The following SHANK2 variants were observed in gnomAD, a reference collection of about 807,000 sequenced individuals.
SHANK2 encodes the protein SH3 and multiple ankyrin repeat domains 2, also known as SH3 and multiple ankyrin repeat domains protein 2.
A neutral mutation model predicts 133.7 loss-of-function variants in SHANK2; 43 were observed. The observed-to-expected ratio is 0.32, with a 90% confidence interval of 0.25 to 0.41. The LOEUF (loss-of-function observed/expected upper bound fraction) is 0.41, where lower values mean the gene tolerates loss of function less well. SHANK2 is among the 10% of genes least tolerant of loss of function. The probability of loss-of-function intolerance (pLI) is 1.00; values close to 1 mark genes in which losing one functional copy is unlikely to be tolerated. For synonymous variants in SHANK2, 1,017 were observed against 952.8 expected, an observed-to-expected ratio of 1.07 and a Z score of -1.24; for missense variants, 1,994 against 2,235.8, an observed-to-expected ratio of 0.89 and a Z score of 2.18.
At chr11:70,598,136 C>T (rs996543278) in intron 17 of SHANK2, among the ~76,000 whole-genome samples, 4 of 152,160 alleles carry the variant, frequency 2.6e-5, no homozygotes, top group Admixed American at 6.5e-5. Context: ...GGGAACGTGC[C>T]GTAGACAGGG....
intron 9 of SHANK2, among the ~76,000 whole-genome samples, chr11:71,057,711 C>T (rs1455481135): frequency 2.0e-5 from 3 of 150,698 alleles, no homozygotes; most frequent in Non-Finnish European, 2.9e-5. Flanking sequence ...CCACCATGCC[C>T]AGCTAATTTT....
chr11:70,501,881 C>G, intron 20 of SHANK2, 42 bp downstream of exon 20: 1 of 1,554,596 alleles, frequency 6.4e-7, no homozygotes, highest in Non-Finnish European at 8.7e-7. Context: ...GTGCCCTAGA[C>G]AGCAGGGGGA....
Position 70,596,861 on chromosome 11 carries a change from C to T in SHANK2, c.2061+62967G>A, listed in dbSNP as rs1484463276. ...GAGGAGAGAACAGAGGACAGTGCGT[C>T]GGGCTGTGGCACAACATGGGCACAG... On this transcript the variant is annotated intron_variant, in intron 17 of 25. Coordinates refer to ENST00000601538, the MANE Select transcript of SHANK2 (RefSeq NM_012309.5). Among the ~76,000 whole-genome samples, 4 of 152,284 alleles carry T rather than the reference C, an allele frequency of 2.6e-5. No individual in the cohort carries two copies. The East Asian group carries it at 5.8e-4, about 22-fold the overall frequency.
intron 2 of SHANK2, among the ~76,000 whole-genome samples, chr11:71,157,919 CCT>C (rs1211687661): frequency 2.0e-5 from 3 of 152,136 alleles, no homozygotes; most frequent in Non-Finnish European, 2.9e-5. Flanking sequence ...GGACACTGCC[CCT>C]GTGTGCAGCT....
At chr11:70,537,212 CGGA>C (rs1271351096) in intron 17 of SHANK2, among the ~76,000 whole-genome samples, 3 of 152,262 alleles carry the variant, frequency 2.0e-5, no homozygotes, top group African/African-American at 7.2e-5. Flanking sequence ...GCCTGAGAAG[CGGA>C]GGAGGGAAAC....
chr11:70,565,149 C>CT (rs2059952149), intron 17 of SHANK2, among the ~76,000 whole-genome samples: 1 of 152,118 alleles, frequency 6.6e-6, no homozygotes, highest in Non-Finnish European at 1.5e-5. Context: ...GTTGGGGGCG[C>CT]TGGGTAGTTC....
At chr11:70,824,411 C>T (rs1372275043) in intron 11 of SHANK2, among the ~76,000 whole-genome samples, 1 of 152,100 alleles carries the variant, frequency 6.6e-6, no homozygotes, top group Non-Finnish European at 1.5e-5. Context: ...TTGAAGATGC[C>T]CTGCTAAGCA....
At chr11:71,192,688 ACT>A (rs1346372859) in intron 2 of SHANK2, among the ~76,000 whole-genome samples, 10 of 152,124 alleles carry the variant, frequency 6.6e-5, no homozygotes, top group African/African-American at 2.4e-4. Context: ...CCAATTTCAT[ACT>A]CTCTGTCTTC....
intron 12 of SHANK2, among the ~76,000 whole-genome samples, chr11:70,814,002 G>A (rs767392371): frequency 6.6e-6 from 1 of 152,144 alleles, no homozygotes; most frequent in Admixed American, 6.5e-5. Context: ...ATCTGGCCCC[G>A]GCTGTCTGCC....
intron 3 of SHANK2, among the ~76,000 whole-genome samples, chr11:71,139,801 C>T (rs1465758448): frequency 1.3e-5 from 2 of 152,218 alleles, no homozygotes; most frequent in Non-Finnish European, 2.9e-5. Context: ...GTGAGGGCTC[C>T]GGTTGTGCCT....
intron 10 of SHANK2, among the ~76,000 whole-genome samples, chr11:70,932,389 A>G (rs1950515551): frequency 1.3e-5 from 2 of 152,254 alleles, no homozygotes; most frequent in African/African-American, 4.8e-5. Flanking sequence ...CCCCCTCCGC[A>G]GCAGAAGCAG....
At chr11:71,203,599 G>GA (rs1555117475) in intron 2 of SHANK2, among the ~76,000 whole-genome samples, 2 of 151,640 alleles carry the variant, frequency 1.3e-5, no homozygotes. Flanking sequence ...CATCTCAAAA[G>GA]AAAAAAAAGA....
intron 2 of SHANK2, among the ~76,000 whole-genome samples, chr11:71,186,354 G>A (rs1555114479): frequency 6.6e-6 from 1 of 152,174 alleles, no homozygotes. Context: ...TGAACAGTTT[G>A]GACCCGCAGA....
chr11:71,163,195 G>T (rs1953063216), intron 2 of SHANK2, among the ~76,000 whole-genome samples: 1 of 146,398 alleles, frequency 6.8e-6, no homozygotes, highest in South Asian at 2.1e-4. Flanking sequence ...TATTGTGTTT[G>T]TCTACTTTTC....
chr11:70,521,409 T>C (rs111911238), intron 17 of SHANK2, among the ~76,000 whole-genome samples: 1 of 152,258 alleles, frequency 6.6e-6, no homozygotes, highest in Non-Finnish European at 1.5e-5. Flanking sequence ...TTAGCAGTTA[T>C]GTTCATTTCT....
chr11:70,803,384 AG>A (rs1565327146), intron 13 of SHANK2, among the ~76,000 whole-genome samples: 1 of 149,804 alleles, frequency 6.7e-6, no homozygotes, highest in African/African-American at 2.5e-5. Context: ...CCACCCACCC[AG>A]CCATCCAGCC....
chr11:70,599,905 G>GAAAGAAAGAGAAAGAA (rs1466206835), intron 17 of SHANK2, among the ~76,000 whole-genome samples: 1,034 of 73,406 alleles, frequency 0.014, 7 homozygotes, highest in East Asian at 0.018. Flanking sequence ...AAGAAAGAAA[G>GAAAGAAAGAGAAAGAA]AGAAAGAAAG....
chr11:70,794,437 A>T (rs539734906), intron 14 of SHANK2, among the ~76,000 whole-genome samples: 1 of 152,184 alleles, frequency 6.6e-6, no homozygotes, highest in East Asian at 1.9e-4. Context: ...GGTGACAGAA[A>T]TCTATGGTCT....
At position 70,896,523 on chromosome 11, in the gene SHANK2, C is replaced by T; in HGVS notation, c.1152G>A (p.Lys384=). 2 of 718,778 alleles carry T rather than the reference C, an allele frequency of 2.8e-6. No homozygotes were observed. The allele number at this position is 718,778 out of a possible 1,614,324, so 44.5% of individuals were successfully genotyped here. A position where few individuals can be genotyped will look rare whatever the true frequency, so the allele number is the denominator to read the frequency against. The change falls in exon 11 of 26, where the codon AAG becomes AAA. Residue 384 remains lysine, a synonymous_variant. Transcript: ENST00000601538. ...AGNFELAEYI[K]NHKETDIVPF... is the part of the protein sequence containing the mutation. ...CACCAATGTCTGTTTCCTTGTGGTT[C>T]TTGATGTATTCTGCCAGCTCAAAGT... is the stretch of plus-strand genomic sequence containing the variant.
Sources: allele counts gnomAD v4.1 joint callset (sites outside exome capture counted in the v4.1 genomes callset), GRCh38; gene constraint gnomAD v4.1.1; transcripts MANE v1.5; gene names NCBI Gene and HGNC (gene_info 2026-07-23, HGNC 2026-07-21).